PSD3: variants seen among roughly 807,000 people sequenced by gnomAD.
The protein encoded by PSD3 is pleckstrin and Sec7 domain containing 3.
In PSD3, 49 loss-of-function variants were observed where a neutral mutation model predicts 105.5. The observed-to-expected ratio is 0.46, with a 90% CI of 0.37 to 0.59. PSD3 has a LOEUF of 0.59. Among genes scored for constraint, PSD3 ranks in the 20% least tolerant of loss-of-function variants. The pLI, the probability that PSD3 is intolerant of heterozygous loss-of-function variation, is 0.00. For synonymous variants in PSD3, 557 were observed against 457.8 expected (o/e 1.22, Z -2.77); for missense variants, 1,561 against 1,263.8 (o/e 1.24, Z -3.57).
chr8:18,989,028 G>A (rs1042543250), intron 1 of PSD3, among the ~76,000 whole-genome samples: 8 of 152,114 alleles, frequency 5.3e-5, no homozygotes, highest in African/African-American at 1.9e-4. Flanking sequence ...AGATAAATTG[G>A]GTTCCGTAGG....
At chr8:18,597,013 T>C (rs1804154199) in intron 12 of PSD3, among the ~76,000 whole-genome samples, 1 of 152,202 alleles carries the variant, frequency 6.6e-6, no homozygotes, top group East Asian at 1.9e-4. Flanking sequence ...AAAACAGTAC[T>C]GCAAGAAAAC....
chr8:18,812,014 C>T (rs1811733937), intron 4 of PSD3, among the ~76,000 whole-genome samples: 1 of 152,092 alleles, frequency 6.6e-6, no homozygotes, highest in South Asian at 2.1e-4. Context: ...ATAACGATTG[C>T]TTACTAATAG....
chr8:18,696,903 T>C (rs1801288860), intron 9 of PSD3, among the ~76,000 whole-genome samples: 1 of 152,154 alleles, frequency 6.6e-6, no homozygotes, highest in African/African-American at 2.4e-5. Context: ...TAAAATTAAC[T>C]TTAACGATGC....
chr8:18,842,504 C>T (rs1335644310), intron 4 of PSD3, among the ~76,000 whole-genome samples: 3 of 152,268 alleles, frequency 2.0e-5, no homozygotes, highest in South Asian at 2.1e-4. Context: ...GAGTCCGAGG[C>T]GGGCGGATCA....
intron 8 of PSD3, chr8:18,774,940 T>A (rs1366344940): frequency 2.2e-6 from 1 of 456,210 alleles, no homozygotes; most frequent in South Asian, 1.5e-5. Flanking sequence ...CCACCACCGC[T>A]GCCAAATGCC....
upstream of PSD3, among the ~76,000 whole-genome samples, chr8:19,018,021 T>C (rs538572496): frequency 2.9e-4 from 44 of 152,274 alleles, no homozygotes; most frequent in Non-Finnish European, 5.4e-4. Context: ...ACCAGAGCAA[T>C]GTATGAAGGT....
intron 10 of PSD3, among the ~76,000 whole-genome samples, chr8:18,633,350 A>G (rs1043440284): frequency 6.6e-6 from 1 of 152,066 alleles, no homozygotes; most frequent in Non-Finnish European, 1.5e-5. Flanking sequence ...AGGCAAAGCT[A>G]CTATGGATTA....
intron 1 of PSD3, among the ~76,000 whole-genome samples, chr8:18,939,534 G>C (rs961297683): frequency 4.7e-5 from 7 of 147,404 alleles, no homozygotes; most frequent in Admixed American, 2.0e-4. Context: ...TTTTTTTAGA[G>C]ATGGGATCTA....
intron 9 of PSD3, among the ~76,000 whole-genome samples, chr8:18,705,595 T>A (rs2129419091): frequency 6.7e-6 from 1 of 150,002 alleles, no homozygotes; most frequent in Non-Finnish European, 1.5e-5. Context: ...AAATGAAATC[T>A]AGTGTAAATA....
At chr8:18,967,514 T>A (rs1223173909) in intron 1 of PSD3, among the ~76,000 whole-genome samples, 1 of 152,116 alleles carries the variant, frequency 6.6e-6, no homozygotes, top group East Asian at 1.9e-4. Context: ...CCTGACAACA[T>A]CAAAGCTACC....
In PSD3 at chr8:18,752,297, G is replaced by C. The variant is rs550424480; in HGVS notation, c.2172+13152C>G. Among the ~76,000 whole-genome samples the C allele has an allele frequency of 8.7e-5, 13 of 149,528 alleles. No individual in the cohort carries two copies. The South Asian group carries it at 2.5e-3, about 29-fold the overall frequency. On this transcript the variant is annotated intron_variant, in intron 9 of 15. Transcript: ENST00000327040. Reference sequence around the variant, plus strand: ...GGAAAACTGAAATTATTTCTTTAATGAGTATTTGTTGAGTATCTGATCTGT... The same window carrying C: ...GGAAAACTGAAATTATTTCTTTAATCAGTATTTGTTGAGTATCTGATCTGT...
intron 1 of PSD3, among the ~76,000 whole-genome samples, chr8:18,980,435 G>C: frequency 6.6e-6 from 1 of 152,174 alleles, no homozygotes; most frequent in South Asian, 2.1e-4. Flanking sequence ...GTAGCACCTA[G>C]TTGGGTTGGT....
chr8:18,617,072 T>TC (rs1805747521), intron 11 of PSD3, among the ~76,000 whole-genome samples: 6 of 152,188 alleles, frequency 3.9e-5, no homozygotes, highest in African/African-American at 1.4e-4. Flanking sequence ...TTTGTACACC[T>TC]TTTCTCTCAT....
intron 9 of PSD3, among the ~76,000 whole-genome samples, chr8:18,668,142 G>A (rs2130901716): frequency 6.6e-6 from 1 of 152,362 alleles, no homozygotes; most frequent in South Asian, 2.1e-4. Flanking sequence ...CAGTGCAGCG[G>A]CAGGCTGAAG....
intron 3 of PSD3, among the ~76,000 whole-genome samples, chr8:18,870,285 T>C (rs1817237867): frequency 6.6e-6 from 1 of 152,138 alleles, no homozygotes; most frequent in African/African-American, 2.4e-5. Flanking sequence ...GAAGAAAAGA[T>C]GGTACCAATT....
At chr8:19,083,322 G>T (rs146802808) in intron 1 of PSD3, among the ~76,000 whole-genome samples, 54 of 152,302 alleles carry the variant, frequency 3.5e-4, no homozygotes, top group Admixed American at 9.8e-4. Flanking sequence ...GGGTGGAGAG[G>T]GTGGGCTGCA....
At chr8:18,558,489 T>A in intron 14 of PSD3, among the ~76,000 whole-genome samples, 1 of 152,194 alleles carries the variant, frequency 6.6e-6, no homozygotes. Context: ...TCATTCCTTT[T>A]CAGTGTTATT....
At chr8:18,856,433 A>C (rs1816012734) in intron 4 of PSD3, among the ~76,000 whole-genome samples, 2 of 152,204 alleles carry the variant, frequency 1.3e-5, no homozygotes, top group South Asian at 4.1e-4. Context: ...GAACTTGAGA[A>C]GACCACGGCC....
At chr8:18,589,299 C>A (rs34669347) in intron 12 of PSD3, among the ~76,000 whole-genome samples, 61,302 of 151,978 alleles carry the variant, frequency 0.4, 12,433 homozygotes, top group South Asian at 0.55. Flanking sequence ...GTATCAACAA[C>A]TGCCTCCATT....
Sources: allele counts gnomAD v4.1 joint callset (sites outside exome capture counted in the v4.1 genomes callset), GRCh38; gene constraint gnomAD v4.1.1; transcripts MANE v1.5; gene names NCBI Gene and HGNC (gene_info 2026-07-23, HGNC 2026-07-21).